Variants in ZFYVE28 observed in about 807,000 individuals in gnomAD.
ZFYVE28 encodes zinc finger FYVE-type containing 28.
ZFYVE28 carries 40 observed loss-of-function variants against 82.1 expected under a neutral mutation model. The observed-to-expected ratio is 0.49, with a 90% CI of 0.38 to 0.63. The LOEUF (loss-of-function observed/expected upper bound fraction) is 0.63. Ranked by LOEUF, ZFYVE28 falls within the 30% of genes least tolerant of loss-of-function variation. ZFYVE28 has a pLI of 0.00. For missense variants in ZFYVE28, 1,321 were observed against 1,242.1 expected (o/e 1.06, Z -0.96); for synonymous variants, 612 against 546.1 (o/e 1.12, Z -1.68).
intron 8 of ZFYVE28, among the ~76,000 whole-genome samples, chr4:2,297,672 A>G (rs1344346919): frequency 6.6e-6 from 1 of 152,246 alleles, no homozygotes; most frequent in Non-Finnish European, 1.5e-5. Flanking sequence ...CAAGGTGAGC[A>G]GTGACAGTGG....
At chr4:2,360,243 C>A (rs1473964630) in intron 1 of ZFYVE28, among the ~76,000 whole-genome samples, 2 of 151,918 alleles carry the variant, frequency 1.3e-5, no homozygotes, top group Non-Finnish European at 2.9e-5. Flanking sequence ...CCACACCATG[C>A]CATGACGGGC....
At chr4:2,274,548 G>C (rs1012761622) in intron 8 of ZFYVE28, among the ~76,000 whole-genome samples, 15 of 152,110 alleles carry the variant, frequency 9.9e-5, no homozygotes, top group African/African-American at 3.6e-4. Flanking sequence ...CCCTATGGAA[G>C]CGTCAACTCA....
intron 2 of ZFYVE28, chr4:2,343,023 A>G (rs1332540209): frequency 6.6e-6 from 1 of 152,218 alleles, no homozygotes; most frequent in Non-Finnish European, 1.5e-5. Context: ...TGTCACATAT[A>G]CAATTTTTGA....
chr4:2,398,224 G>A (rs1452254441), intron 1 of ZFYVE28, among the ~76,000 whole-genome samples: 6 of 152,194 alleles, frequency 3.9e-5, no homozygotes, highest in East Asian at 1.9e-4. Flanking sequence ...GCCAGTGCCC[G>A]TGCCAGGGTG....
intron 2 of ZFYVE28, among the ~76,000 whole-genome samples, chr4:2,349,925 T>A (rs1399825706): frequency 1.3e-5 from 2 of 152,066 alleles, no homozygotes; most frequent in African/African-American, 4.8e-5. Flanking sequence ...CACGCTTATC[T>A]TTGGGGAGAA....
intron 2 of ZFYVE28, among the ~76,000 whole-genome samples, chr4:2,352,127 T>C (rs1724557290): frequency 6.6e-6 from 1 of 152,126 alleles, no homozygotes; most frequent in Non-Finnish European, 1.5e-5. Flanking sequence ...GTTGAAACAA[T>C]GCATGTATAA....
chr4:2,357,814 G>A (rs1268984207), intron 1 of ZFYVE28, among the ~76,000 whole-genome samples: 1 of 152,188 alleles, frequency 6.6e-6, no homozygotes, highest in Admixed American at 6.5e-5. Context: ...GACACGAGCA[G>A]GGGCCACGCA....
chr4:2,364,016 G>A (rs1726519484), intron 1 of ZFYVE28, among the ~76,000 whole-genome samples: 1 of 152,178 alleles, frequency 6.6e-6, no homozygotes, highest in South Asian at 2.1e-4. Flanking sequence ...TAGGTAATAA[G>A]GGTGAAAACA....
At position 2,308,902 on chromosome 4, in the gene ZFYVE28, A is replaced by T. The variant is rs1357707899; in HGVS notation, c.804-3366T>A. Among the ~76,000 whole-genome samples, 3 of 152,196 alleles carry T rather than the reference A, an allele frequency of 2.0e-5. No homozygotes were observed. In the South Asian group the frequency reaches 6.2e-4, roughly 32 times the overall value. ...CTCTCTCTGAATGGAATTGCTGTCCAGGGCTTTAAAAATTTATGGTAATAA... is the reference window on the plus strand; with the variant it reads ...CTCTCTCTGAATGGAATTGCTGTCCTGGGCTTTAAAAATTTATGGTAATAA... On this transcript the variant is annotated intron_variant, in intron 7 of 12. Transcript: ENST00000290974.
At chr4:2,291,885 G>A (rs1713764850) in intron 8 of ZFYVE28, among the ~76,000 whole-genome samples, 1 of 152,214 alleles carries the variant, frequency 6.6e-6, no homozygotes, top group Non-Finnish European at 1.5e-5. Flanking sequence ...CTGGGCCAAG[G>A]AGCTAGGGTG....
At position 2,304,985 on chromosome 4, in the gene ZFYVE28, G is replaced by A. The variant is rs377628449; in HGVS notation, c.1355C>T (p.Ser452Leu). ...GTTGCTCAAGTCCTCCTCCTTTTCC[G>A]AGGCGGGCAAGCTGATCCCCGCCGC... ...GGAAGISLPA[S>L]EKEEDLSNNN... Residue 452 changes from serine to leucine, a missense_variant, in exon 8 of 13, where the codon TCG becomes TTG. Physicochemically the swap from Ser to Leu is moderately radical, Grantham distance 145. Around this residue, in one of 2 missense-constraint regions of ZFYVE28, gnomAD observed 978 missense variants for 833.7 expected, o/e 1.17. Transcript: ENST00000290974. The A allele has an allele frequency of 8.0e-5, 129 of 1,612,696 alleles. No homozygotes were observed. The highest frequency in any genetic ancestry group is 4.1e-4 in the African/African-American group (31 of 75,042).
intron 1 of ZFYVE28, among the ~76,000 whole-genome samples, chr4:2,391,890 C>T (rs1034038268): frequency 6.6e-6 from 1 of 151,890 alleles, no homozygotes; most frequent in African/African-American, 2.4e-5. Flanking sequence ...TGCCCACCAC[C>T]ACGCCCAGCT....
chr4:2,321,286 C>A (rs1222870821), intron 6 of ZFYVE28, among the ~76,000 whole-genome samples: 1 of 152,150 alleles, frequency 6.6e-6, no homozygotes, highest in East Asian at 1.9e-4. Context: ...AACACCGAGT[C>A]CCTGGGAGCA....
intron 7 of ZFYVE28, among the ~76,000 whole-genome samples, chr4:2,315,422 C>G (rs1268421230): frequency 6.6e-6 from 1 of 151,988 alleles, no homozygotes; most frequent in Admixed American, 6.6e-5. Flanking sequence ...TACAGGCGCC[C>G]GCCACCACGC....
chr4:2,283,509 C>T (rs1189191045), intron 8 of ZFYVE28, among the ~76,000 whole-genome samples: 12 of 148,416 alleles, frequency 8.1e-5, no homozygotes, highest in African/African-American at 2.2e-4. Context: ...CATCCATCCA[C>T]CCACCCATCC....
At chr4:2,379,102 T>C (rs1728462307) in intron 1 of ZFYVE28, among the ~76,000 whole-genome samples, 1 of 152,134 alleles carries the variant, frequency 6.6e-6, no homozygotes, top group South Asian at 2.1e-4. Flanking sequence ...GCTGGTCACA[T>C]GGACAGACAG....
chr4:2,400,706 C>T (rs187361477), intron 1 of ZFYVE28, among the ~76,000 whole-genome samples: 27 of 152,232 alleles, frequency 1.8e-4, no homozygotes, highest in South Asian at 4.1e-4. Context: ...GCATCCAGCA[C>T]AGGAGAAAGC....
chr4:2,412,960 C>T (rs183433291), intron 1 of ZFYVE28, among the ~76,000 whole-genome samples: 10 of 151,882 alleles, frequency 6.6e-5, no homozygotes, highest in East Asian at 1.9e-4. Flanking sequence ...GTGAAGCTCT[C>T]GACTCTCTGC....
intron 9 of ZFYVE28, 31 bp from the exon 10 acceptor site, chr4:2,273,320 A>G: frequency 6.3e-7 from 1 of 1,589,178 alleles, no homozygotes; most frequent in Non-Finnish European, 8.6e-7. Context: ...TAACCACGAC[A>G]GAAGGACGGA....
Sources: allele counts gnomAD v4.1 joint callset (sites outside exome capture counted in the v4.1 genomes callset), GRCh38; gene constraint gnomAD v4.1.1; regional missense constraint gnomAD v4.1.1; transcripts MANE v1.5; gene names NCBI Gene and HGNC (gene_info 2026-07-23, HGNC 2026-07-21).